PRRC2B: variants seen among roughly 807,000 people sequenced by gnomAD.
PRRC2B encodes proline rich coiled-coil 2B.
In PRRC2B, 68 loss-of-function variants were observed where a neutral mutation model predicts 242.3. The observed-to-expected ratio is 0.28, with a 90% CI of 0.23 to 0.34. PRRC2B has a LOEUF of 0.34. PRRC2B is among the 10% of genes least tolerant of loss of function. The probability of loss-of-function intolerance (pLI) is 1.00; values close to 1 mark genes in which losing one functional copy is unlikely to be tolerated. For synonymous variants in PRRC2B, 1,228 were observed against 1,173.6 expected, an observed-to-expected ratio of 1.05 and a Z score of -0.95; for missense variants, 2,835 against 2,954.8, an observed-to-expected ratio of 0.96 and a Z score of 0.94.
intron 8 of PRRC2B, among the ~76,000 whole-genome samples, 175 bp downstream of exon 8, chr9:131,447,381 A>T (rs1304793324): frequency 6.6e-6 from 1 of 151,892 alleles, no homozygotes; most frequent in Non-Finnish European, 1.5e-5. Context: ...TGGATGACAG[A>T]TTGAGTCATG....
In PRRC2B at chr9:131,497,183, G is replaced by GT. The variant is rs1396981541; in HGVS notation, c.*1312dup. 4 of 152,386 alleles carry GT rather than the reference G, an allele frequency of 2.6e-5. No individual in the cohort carries two copies. Among genetic ancestry groups the GT allele is most frequent in the Non-Finnish European group, 5.9e-5 (4 of 68,170 alleles). 9.4% of individuals were successfully genotyped at this position (152,386 alleles called of 1,614,324 possible). Reference sequence around the variant, plus strand: ...GAGCTAAGCAGTAGGCATCAGTCTCGTTTGTCTTCAGACGGCGGGGGCAGG... The same window carrying GT: ...GAGCTAAGCAGTAGGCATCAGTCTCGTTTTGTCTTCAGACGGCGGGGGCAGG... On this transcript the variant is annotated 3_prime_UTR_variant, in exon 32 of 32. Transcript: ENST00000683519.
At chr9:131,467,076 C>G (rs1943417229) in intron 12 of PRRC2B, among the ~76,000 whole-genome samples, 1 of 151,478 alleles carries the variant, frequency 6.6e-6, no homozygotes, top group Admixed American at 6.6e-5. Flanking sequence ...GCTGGGATTA[C>G]AGGTGTGAGC....
intron 13 of PRRC2B, among the ~76,000 whole-genome samples, chr9:131,468,304 G>A (rs972732569): frequency 3.3e-5 from 5 of 152,130 alleles, no homozygotes; most frequent in Non-Finnish European, 5.9e-5. Flanking sequence ...GGCCTTGGAG[G>A]GGTCAGTTAT....
intron 2 of PRRC2B, among the ~76,000 whole-genome samples, chr9:131,431,683 T>G (rs1476085837): frequency 6.6e-6 from 1 of 151,580 alleles, no homozygotes; most frequent in Non-Finnish European, 1.5e-5. Context: ...ACCTCCTGGG[T>G]TCACGCCATT....
chr9:131,389,765 T>C (rs1166615085), upstream of PRRC2B, among the ~76,000 whole-genome samples: 1 of 150,052 alleles, frequency 6.7e-6, no homozygotes, highest in East Asian at 2.0e-4. Context: ...GCTTACTTTG[T>C]GCCAAGCTCT....
rs183377569 is a variant in PRRC2B at position 131,436,324 on chromosome 9, C to T, written c.294-296C>T. ...AGGTTGCATTGAGCCAAGTTTACCC[C>T]ACTACACTCCAGCCTGGGTGATAGA... On this transcript the variant is annotated intron_variant, in intron 3 of 31. Transcript: ENST00000683519. 3.7e-3 allele frequency among the ~76,000 whole-genome samples: 570 copies of T among 152,270 alleles called. 1 individual carries two copies. Among genetic ancestry groups the T allele is most frequent in the Admixed American group, 6.9e-3 (105 of 15,294 alleles).
chr9:131,414,077 G>T (rs1388606435), intron 1 of PRRC2B, among the ~76,000 whole-genome samples: 1 of 152,150 alleles, frequency 6.6e-6, no homozygotes, highest in African/African-American at 2.4e-5. Flanking sequence ...TTGCCAAAAA[G>T]ATAGACAAAT....
intron 1 of PRRC2B, among the ~76,000 whole-genome samples, chr9:131,412,725 T>C (rs1040256641): frequency 6.6e-6 from 1 of 152,132 alleles, no homozygotes; most frequent in Non-Finnish European, 1.5e-5. Flanking sequence ...ATTTCAGAAA[T>C]TGACAAACTC....
At chr9:131,455,228 C>T (rs1377510176) in intron 10 of PRRC2B, 62 bp downstream of exon 10, 2 of 1,185,342 alleles carry the variant, frequency 1.7e-6, no homozygotes, top group Non-Finnish European at 1.2e-6. Flanking sequence ...GTTGTGTACC[C>T]AGAGCATTTC....
Position 131,487,347 on chromosome 9 carries a change from C to G in PRRC2B, c.5984+53C>G, listed in dbSNP as rs1944054342. The G allele has an allele frequency of 2.0e-5, 30 of 1,516,536 alleles. No individual in the cohort carries two copies. The highest frequency in any genetic ancestry group is 2.7e-5 in the Non-Finnish European group (30 of 1,127,520). 93.9% of individuals were successfully genotyped at this position (1,516,536 alleles called of 1,614,324 possible). ...TGGCAGCTCACAGCCAGGGCCTTGG[C>G]CCTGTGTGCAGCCTTCGTCCTGCAG... On this transcript the variant is annotated intron_variant, in intron 27 of 31. Transcript: ENST00000683519. This position sits in a 1 kb window ranked among gnomAD's most constrained non-coding sequence, Gnocchi z 5.3.
At position 131,478,633 on chromosome 9, in the gene PRRC2B, G is replaced by A. The variant is rs1317741871; in HGVS notation, c.4758+14G>A. 1 of 1,518,550 alleles carries A rather than the reference G, an allele frequency of 6.6e-7. No homozygotes were observed. The allele number at this position is 1,518,550 out of a possible 1,614,324, so 94.1% of individuals were successfully genotyped here. A position where few individuals can be genotyped will look rare whatever the true frequency, so the allele number is the denominator to read the frequency against. On this transcript the variant is annotated intron_variant, in intron 18 of 31. Coordinates refer to ENST00000683519, the MANE Select transcript of PRRC2B (RefSeq NM_013318.4). ...CAGGCCGTGCAGGTGAGGGGCGGAG[G>A]GTGGGGGGGCATGGGGCTGGAGGGC...
In PRRC2B at chr9:131,413,796, C is replaced by A. The variant is rs187136192; in HGVS notation, c.-51-16298C>A. 3.3e-5 allele frequency among the ~76,000 whole-genome samples: 5 copies of A among 152,254 alleles called. No homozygotes were observed. In the East Asian group the frequency reaches 9.7e-4, roughly 29 times the overall value. ...AAGCGATTCTTCGGCCTCAGCCTCC[C>A]GAGTACCTGGGACTATAGGCGCACA... is the stretch of plus-strand genomic sequence containing the variant. On this transcript the variant is annotated intron_variant, in intron 1 of 31. Coordinates refer to ENST00000683519, the MANE Select transcript of PRRC2B (RefSeq NM_013318.4).
intron 1 of PRRC2B, among the ~76,000 whole-genome samples, chr9:131,380,810 A>G (rs1836747960): frequency 6.9e-6 from 1 of 145,972 alleles, no homozygotes; most frequent in South Asian, 2.3e-4. Flanking sequence ...CCTAGGAGGC[A>G]GAAGTTGCAG....
chr9:131,477,745 T>A lies in PRRC2B; in HGVS notation c.4408T>A (p.Ser1470Thr), dbSNP rs1440059360. ...QNGTPLKVKR[S>T]PDEALPGGLS... is the part of the protein sequence containing the mutation. ...AACAAGATCCTCTTTCCCTTACAGA[T>A]CCCCAGACGAGGCCTTGCCTGGAGG... Residue 1470 changes from serine to threonine, a missense_variant and splice_region_variant, in exon 17 of 32, where the codon TCC becomes ACC. By Grantham distance (58) the Ser-to-Thr change is moderately conservative. Transcript: ENST00000683519. 1 of 1,590,640 alleles carries A rather than the reference T, an allele frequency of 6.3e-7. No homozygotes were observed. Among genetic ancestry groups the A allele is most frequent in the Non-Finnish European group, 8.6e-7 (1 of 1,164,772 alleles).
rs576049446 is a variant in PRRC2B at position 131,374,857 on chromosome 9, A to G, written c.-56+1126A>G. Among the ~76,000 whole-genome samples, 37 of 152,132 alleles carry G rather than the reference A, an allele frequency of 2.4e-4. 1 individual carries two copies. In the South Asian group the frequency reaches 5.6e-3, roughly 23 times the overall value. On this transcript the variant is annotated intron_variant, in intron 1 of 1. Transcript: ENST00000682525. Reference sequence around the variant, plus strand: ...TTTTTTTAAGATAACAGATAAATGTAAATAGAAGGATCATATTTCCCACAC... The same window carrying G: ...TTTTTTTAAGATAACAGATAAATGTGAATAGAAGGATCATATTTCCCACAC...
intron 11 of PRRC2B, among the ~76,000 whole-genome samples, chr9:131,461,242 C>T (rs1943233738): frequency 1.3e-5 from 2 of 152,222 alleles, no homozygotes; most frequent in African/African-American, 2.4e-5. Flanking sequence ...ATGTCATTGT[C>T]CCCACTCCTG....
intron 1 of PRRC2B, among the ~76,000 whole-genome samples, chr9:131,382,183 A>C (rs1836770457): frequency 6.6e-6 from 1 of 151,956 alleles, no homozygotes; most frequent in South Asian, 2.1e-4. Flanking sequence ...CGCCCGGCTA[A>C]GTTTTGTATT....
Position 131,499,564 on chromosome 9 carries a change from G to A in PRRC2B, c.*3690G>A, listed in dbSNP as rs1944414565. 6.6e-6 allele frequency: 1 copy of A among 152,278 alleles called. No homozygotes were observed. Among genetic ancestry groups the A allele is most frequent in the African/African-American group, 2.4e-5 (1 of 41,466 alleles). The allele number at this position is 152,278 out of a possible 1,614,324, so 9.4% of individuals were successfully genotyped here. A position where few individuals can be genotyped will look rare whatever the true frequency, so the allele number is the denominator to read the frequency against. On this transcript the variant is annotated 3_prime_UTR_variant, in exon 32 of 32. Coordinates refer to ENST00000683519, the MANE Select transcript of PRRC2B (RefSeq NM_013318.4). ...AAGCAGGAAGTCATCCAGGACAGGA[G>A]TGGCTCAGTGTTGGGGATGGACGCT...
intron 1 of PRRC2B, among the ~76,000 whole-genome samples, chr9:131,379,107 T>G (rs1228514883): frequency 2.0e-5 from 3 of 152,180 alleles, no homozygotes; most frequent in Admixed American, 2.0e-4. Context: ...TGTGTTCAGC[T>G]TCTTTCCCTT....
Sources: allele counts gnomAD v4.1 joint callset (sites outside exome capture counted in the v4.1 genomes callset), GRCh38; gene constraint gnomAD v4.1.1; non-coding constraint Gnocchi (gnomAD v3.1); transcripts MANE v1.5; gene names NCBI Gene and HGNC (gene_info 2026-07-23, HGNC 2026-07-21).